CPQ: variants seen among roughly 807,000 people sequenced by gnomAD.
CPQ encodes carboxypeptidase Q.
CPQ carries 37 observed loss-of-function variants against 45.7 expected under a neutral mutation model. That is an observed-to-expected ratio of 0.81 (90% CI 0.62 to 1.07). The LOEUF (loss-of-function observed/expected upper bound fraction) is 1.07. Among genes scored for constraint, CPQ ranks in the 50% least tolerant of loss-of-function variants. The pLI, the probability that CPQ is intolerant of heterozygous loss-of-function variation, is 0.00. For missense variants in CPQ, 537 were observed against 572.9 expected (o/e 0.94, Z 0.64); for synonymous variants, 186 against 205.8 (o/e 0.90, Z 0.82).
chr8:96,937,486 A>C (rs1341776888), intron 4 of CPQ, among the ~76,000 whole-genome samples: 1 of 151,536 alleles, frequency 6.6e-6, no homozygotes, highest in East Asian at 2.0e-4. Flanking sequence ...ATAATCAAGA[A>C]ACGCCTCCAG....
intron 2 of CPQ, among the ~76,000 whole-genome samples, chr8:96,828,885 G>A (rs986292979): frequency 6.6e-6 from 1 of 152,084 alleles, no homozygotes; most frequent in South Asian, 2.1e-4. Context: ...CTGAGTGCCT[G>A]TTCATGCTGC....
chr8:97,083,956 A>G (rs952331639), intron 7 of CPQ, among the ~76,000 whole-genome samples: 1 of 152,220 alleles, frequency 6.6e-6, no homozygotes, highest in African/African-American at 2.4e-5. Context: ...TGCCATGAGA[A>G]AGTAAATGTA....
chr8:96,670,649 G>A (rs1179533304), intron 1 of CPQ, among the ~76,000 whole-genome samples: 1 of 151,992 alleles, frequency 6.6e-6, no homozygotes, highest in Non-Finnish European at 1.5e-5. Flanking sequence ...TTGATGAATG[G>A]TTAAACAAAC....
chr8:96,667,087 C>A (rs1195893797), intron 1 of CPQ, among the ~76,000 whole-genome samples: 1 of 108,138 alleles, frequency 9.2e-6, no homozygotes, highest in African/African-American at 3.4e-5. Flanking sequence ...GAAACATCAT[C>A]CCCACTTCTC....
intron 1 of CPQ, among the ~76,000 whole-genome samples, chr8:96,725,305 A>C (rs552724144): frequency 3.3e-4 from 50 of 152,324 alleles, no homozygotes; most frequent in African/African-American, 1.2e-3. Context: ...AACCTACAGA[A>C]AGGGAGAAAG....
chr8:97,101,955 T>C (rs202061527), intron 7 of CPQ, among the ~76,000 whole-genome samples: 22 of 144,062 alleles, frequency 1.5e-4, no homozygotes, highest in South Asian at 6.5e-4. Flanking sequence ...TCCCTCCCTC[T>C]CTCTCTCTCT....
intron 5 of CPQ, among the ~76,000 whole-genome samples, chr8:97,025,395 C>G (rs979474179): frequency 2.6e-5 from 4 of 152,120 alleles, no homozygotes; most frequent in Non-Finnish European, 5.9e-5. Flanking sequence ...TAAACTGTTG[C>G]ATTATCTGGA....
intron 1 of CPQ, among the ~76,000 whole-genome samples, chr8:96,712,529 C>T (rs1160499792): frequency 6.6e-6 from 1 of 152,244 alleles, no homozygotes; most frequent in Non-Finnish European, 1.5e-5. Flanking sequence ...CAGTTCTTGA[C>T]TTCTGTGCAC....
intron 6 of CPQ, among the ~76,000 whole-genome samples, chr8:97,060,286 A>G (rs1810527565): frequency 6.6e-6 from 1 of 152,182 alleles, no homozygotes. Flanking sequence ...CGTTGCACCC[A>G]AAGAATGCTA....
At chr8:96,908,480 C>T (rs1449224216) in intron 4 of CPQ, among the ~76,000 whole-genome samples, 48 of 152,060 alleles carry the variant, frequency 3.2e-4, no homozygotes, top group Non-Finnish European at 8.8e-5. Context: ...ATTTAGAGAG[C>T]GACCTCCCCG....
intron 1 of CPQ, among the ~76,000 whole-genome samples, chr8:96,765,204 A>C (rs562307686): frequency 2.0e-5 from 3 of 152,232 alleles, no homozygotes; most frequent in South Asian, 4.1e-4. Flanking sequence ...TGGTACAAGT[A>C]TTCCTGGTGG....
intron 3 of CPQ, among the ~76,000 whole-genome samples, chr8:96,863,072 T>C (rs1187590877): frequency 6.6e-6 from 1 of 152,138 alleles, no homozygotes; most frequent in African/African-American, 2.4e-5. Context: ...TTGAAGCCTC[T>C]GAGATTTTGA....
At chr8:96,902,044 GC>G (rs921502279) in intron 4 of CPQ, among the ~76,000 whole-genome samples, 2 of 152,054 alleles carry the variant, frequency 1.3e-5, no homozygotes, top group Admixed American at 6.6e-5. Context: ...AAAGGAAGGA[GC>G]TACTGAGAGC....
chr8:96,746,260 C>T (rs987573865), intron 1 of CPQ, among the ~76,000 whole-genome samples: 1 of 152,122 alleles, frequency 6.6e-6, no homozygotes, highest in African/African-American at 2.4e-5. Context: ...CTGAGAGACT[C>T]CATTTAATAG....
intron 2 of CPQ, among the ~76,000 whole-genome samples, chr8:96,793,536 A>G (rs1810880915): frequency 6.6e-6 from 1 of 152,190 alleles, no homozygotes. Context: ...TCAAGATCAG[A>G]GTTGGGTTGG....
At chr8:96,765,150 G>T (rs1000605348) in intron 1 of CPQ, among the ~76,000 whole-genome samples, 7 of 152,152 alleles carry the variant, frequency 4.6e-5, no homozygotes, top group African/African-American at 1.7e-4. Flanking sequence ...CAGAGTGTTT[G>T]GCGCAATAGC....
At chr8:96,974,200 A>C (rs1210258573) in intron 5 of CPQ, among the ~76,000 whole-genome samples, 1 of 152,198 alleles carries the variant, frequency 6.6e-6, no homozygotes, top group Non-Finnish European at 1.5e-5. Context: ...AATGGACACC[A>C]AAAGCGAGCA....
rs1453088932 is a variant in CPQ at position 96,679,351 on chromosome 8, T to C, written c.-35+33949T>C. Among the ~76,000 whole-genome samples the C allele has an allele frequency of 2.0e-5, 3 of 152,286 alleles. No homozygotes were observed. The East Asian group carries it at 5.8e-4, about 29-fold the overall frequency. ...TTGTTGAGAATTTTTGCATCTGTGT[T>C]CATCAGGGATATTGGCTTTTAGTTT... On this transcript the variant is annotated intron_variant, in intron 1 of 7. Transcript: ENST00000220763.
chr8:96,739,999 A>C (rs1250232556), intron 1 of CPQ, among the ~76,000 whole-genome samples: 1 of 152,122 alleles, frequency 6.6e-6, no homozygotes, highest in African/African-American at 2.4e-5. Context: ...TTCTGTGAAG[A>C]AAGTCATTGG....
Sources: gnomAD v4.1 joint callset for allele counts (sites outside exome capture counted in the v4.1 genomes callset) on GRCh38, gnomAD v4.1.1 for gene constraint, MANE v1.5 for transcripts, NCBI Gene and HGNC (gene_info 2026-07-23, HGNC 2026-07-21) for gene names.